Variants in FANCC observed in about 807,000 individuals in gnomAD.
FANCC encodes the protein Fanconi anemia group C protein.
In FANCC, 55 loss-of-function variants were observed where a neutral mutation model predicts 71.3. That is an observed-to-expected ratio of 0.77 (90% CI 0.62 to 0.97). The LOEUF is 0.97. Among genes scored for constraint, FANCC ranks in the 50% least tolerant of loss-of-function variants. The pLI, the probability that FANCC is intolerant of heterozygous loss-of-function variation, is 0.00. For synonymous variants in FANCC, 275 were observed against 244.9 expected (o/e 1.12, Z -1.15); for missense variants, 678 against 670.9 (o/e 1.01, Z -0.12).
intron 6 of FANCC, 66 bp from the exon 7 acceptor site, chr9:95,150,153 A>C: frequency 1.3e-6 from 2 of 1,568,876 alleles, no homozygotes; most frequent in South Asian, 2.3e-5. Flanking sequence ...ACATATAAAA[A>C]CCTTCATGCT....
intron 1 of FANCC, among the ~76,000 whole-genome samples, chr9:95,278,504 C>T (rs969497203): frequency 3.9e-5 from 6 of 152,184 alleles, no homozygotes; most frequent in Non-Finnish European, 8.8e-5. Context: ...CTCCACCCAA[C>T]AACAGAACAT....
chr9:95,147,034 T>A (rs1467852135), intron 7 of FANCC, among the ~76,000 whole-genome samples: 1 of 150,454 alleles, frequency 6.6e-6, no homozygotes, highest in Non-Finnish European at 1.5e-5. Flanking sequence ...TTTGTATGTA[T>A]ATATACAGTG....
chr9:95,101,488 G>A lies in FANCC; in HGVS notation c.*219C>T. The A allele has an allele frequency of 1.6e-6, 1 of 611,894 alleles. No homozygotes were observed. The highest frequency in any genetic ancestry group is 2.9e-6 in the Non-Finnish European group (1 of 347,558). The allele number at this position is 611,894 out of a possible 1,614,324, so 37.9% of individuals were successfully genotyped here. A position where few individuals can be genotyped will look rare whatever the true frequency, so the allele number is the denominator to read the frequency against. On this transcript the variant is annotated 3_prime_UTR_variant, in exon 15 of 15. Coordinates refer to ENST00000289081, the MANE Select transcript of FANCC (RefSeq NM_000136.3). Reference sequence around the variant, plus strand: ...CCAGGAGTACCGAAGGCTCACTTGAGTCATTAGTGAACATGTCTGACTGAG... The same window carrying A: ...CCAGGAGTACCGAAGGCTCACTTGAATCATTAGTGAACATGTCTGACTGAG...
At chr9:95,263,857 A>C (rs1451543552) in intron 1 of FANCC, among the ~76,000 whole-genome samples, 1 of 152,214 alleles carries the variant, frequency 6.6e-6, no homozygotes, top group Non-Finnish European at 1.5e-5. Flanking sequence ...CGCCTATCAA[A>C]CTGTAGGAAC....
chr9:95,158,420 AC>A (rs1830562680), intron 6 of FANCC, among the ~76,000 whole-genome samples: 2 of 152,222 alleles, frequency 1.3e-5, no homozygotes, highest in Admixed American at 1.3e-4. Context: ...GATATCTGCC[AC>A]TTAAGAAGCG....
intron 1 of FANCC, among the ~76,000 whole-genome samples, chr9:95,253,870 C>A (rs934306052): frequency 6.6e-6 from 1 of 152,206 alleles, no homozygotes; most frequent in Non-Finnish European, 1.5e-5. Flanking sequence ...TAGTCACATT[C>A]TCATATGGAG....
chr9:95,268,280 C>A (rs774255172), intron 1 of FANCC, among the ~76,000 whole-genome samples: 8 of 152,232 alleles, frequency 5.3e-5, no homozygotes, highest in Non-Finnish European at 8.8e-5. Context: ...TCCAGCATCA[C>A]CAAATGTGGA....
chr9:95,121,119 C>T (rs2072844861), intron 10 of FANCC, among the ~76,000 whole-genome samples: 1 of 152,156 alleles, frequency 6.6e-6, no homozygotes, highest in Admixed American at 6.5e-5. Flanking sequence ...AATACTTTGC[C>T]TGGAGTTTAT....
intron 1 of FANCC, among the ~76,000 whole-genome samples, chr9:95,257,806 G>A (rs966566499): frequency 6.6e-6 from 1 of 152,124 alleles, no homozygotes; most frequent in African/African-American, 2.4e-5. Flanking sequence ...AAGAAGAAAA[G>A]AGAGAAGAAT....
chr9:95,230,709 G>C (rs533679608), intron 4 of FANCC, among the ~76,000 whole-genome samples: 1 of 152,170 alleles, frequency 6.6e-6, no homozygotes, highest in South Asian at 2.1e-4. Context: ...GACTTATTGT[G>C]AAGAGCGAAA....
intron 1 of FANCC, among the ~76,000 whole-genome samples, chr9:95,282,191 T>C (rs749274526): frequency 6.6e-6 from 1 of 151,878 alleles, no homozygotes; most frequent in East Asian, 1.9e-4. Context: ...AGGATACACA[T>C]AGACTGAAAG....
intron 10 of FANCC, among the ~76,000 whole-genome samples, chr9:95,119,098 T>C (rs1165412783): frequency 6.6e-6 from 1 of 152,228 alleles, no homozygotes; most frequent in Non-Finnish European, 1.5e-5. Flanking sequence ...AACATAACCC[T>C]ATGTATGCTT....
chr9:95,229,390 G>A (rs1009527196), intron 4 of FANCC, among the ~76,000 whole-genome samples: 1 of 151,974 alleles, frequency 6.6e-6, no homozygotes, highest in Non-Finnish European at 1.5e-5. Flanking sequence ...CAACAGTGGC[G>A]TGGATGGGGG....
At chr9:95,213,246 C>T (rs971106601) in intron 4 of FANCC, among the ~76,000 whole-genome samples, 1 of 151,900 alleles carries the variant, frequency 6.6e-6, no homozygotes, top group African/African-American at 2.4e-5. Context: ...ACACTGCTGC[C>T]CTAGAGCAGC....
chr9:95,286,133 A>T (rs186766126), intron 1 of FANCC, among the ~76,000 whole-genome samples: 1 of 152,368 alleles, frequency 6.6e-6, no homozygotes, highest in East Asian at 1.9e-4. Context: ...ATATACATAT[A>T]CAACCAAAAA....
chr9:95,193,560 T>C (rs1454518006), intron 4 of FANCC, among the ~76,000 whole-genome samples: 1 of 152,214 alleles, frequency 6.6e-6, no homozygotes, highest in Non-Finnish European at 1.5e-5. Flanking sequence ...TGTCTCTAAA[T>C]GGGGCAGTAG....
chr9:95,116,701 C>T (rs867454421), intron 11 of FANCC, among the ~76,000 whole-genome samples: 3 of 152,146 alleles, frequency 2.0e-5, no homozygotes, highest in African/African-American at 4.8e-5. Context: ...GTCTCCTAAG[C>T]GTGAGCTCAC....
At chr9:95,171,045 A>G (rs1825645344) in intron 6 of FANCC, 34 bp downstream of exon 6, 2 of 1,557,334 alleles carry the variant, frequency 1.3e-6, no homozygotes, top group Non-Finnish European at 1.8e-6. Flanking sequence ...ACATTTTGAA[A>G]CCTGAGAAGA....
At chr9:95,211,802 A>G (rs1454448841) in intron 4 of FANCC, among the ~76,000 whole-genome samples, 1 of 152,042 alleles carries the variant, frequency 6.6e-6, no homozygotes, top group Non-Finnish European at 1.5e-5. Context: ...GACCTTAAAC[A>G]ATTACACGTA....
Sources: allele counts gnomAD v4.1 joint callset (sites outside exome capture counted in the v4.1 genomes callset), GRCh38; gene constraint gnomAD v4.1.1; transcripts MANE v1.5; gene names NCBI Gene and HGNC (gene_info 2026-07-23, HGNC 2026-07-21).